Variants in DYNLT2 observed in about 807,000 individuals in gnomAD.
DYNLT2 encodes dynein light chain Tctex-type 2.
Under a neutral mutation model 24.3 loss-of-function variants are expected in DYNLT2, and 24 were observed. The observed-to-expected ratio is 0.99, with a 90% CI of 0.71 to 1.39. The LOEUF (loss-of-function observed/expected upper bound fraction) is 1.39, where lower values mean the gene tolerates loss of function less well. DYNLT2 is among the 40% of genes most tolerant of loss of function. DYNLT2 has a pLI of 0.00. For synonymous variants in DYNLT2, 85 were observed against 85.4 expected (o/e 1.00, Z 0.03); for missense variants, 246 against 234.5 (o/e 1.05, Z -0.32).
At chr6:169,739,992 TGTTA>T (rs1480478790), downstream of DYNLT2, 7 of 529,996 alleles carry the variant, frequency 1.3e-5, no homozygotes, top group Non-Finnish European at 1.0e-5. Context: ...CATAATATTA[TGTTA>T]GTTAATATAA....
intron 1 of DYNLT2, chr6:169,750,039 C>T (rs1376516931): frequency 6.6e-6 from 1 of 152,180 alleles, no homozygotes; most frequent in African/African-American, 2.4e-5. Context: ...TTAAAGATAG[C>T]TATAATTGAT....
chr6:169,729,513 T>G, the DYNLT2 span, among the ~76,000 whole-genome samples: 2 of 152,180 alleles, frequency 1.3e-5, no homozygotes, highest in African/African-American at 4.8e-5. Flanking sequence ...TTGCTGCTTG[T>G]AAACTGAAAA....
chr6:169,737,678 G>A (rs1036121570), downstream of DYNLT2, among the ~76,000 whole-genome samples: 1 of 152,168 alleles, frequency 6.6e-6, no homozygotes, highest in East Asian at 1.9e-4. Flanking sequence ...AAAGATGGGT[G>A]CCTGCTCCTT....
the DYNLT2 span, chr6:169,725,633 GT>G: frequency 3.2e-3 from 709 of 224,560 alleles, 3 homozygotes; most frequent in African/African-American, 0.01. Context: ...GAGTTTAGCG[GT>G]TTTTTTTTTA....
At chr6:169,749,795 G>C (rs1173939715) in intron 1 of DYNLT2, 1 of 152,008 alleles carries the variant, frequency 6.6e-6, no homozygotes. Flanking sequence ...GCTACCACTA[G>C]AAAAAAAGAA....
downstream of DYNLT2, among the ~76,000 whole-genome samples, chr6:169,737,028 C>A (rs1400403269): frequency 1.3e-5 from 2 of 151,950 alleles, no homozygotes; most frequent in African/African-American, 4.8e-5. Context: ...ATTCTTTTTT[C>A]TCTATTCTTG....
At chr6:169,739,901 A>G (rs1554411643), downstream of DYNLT2, among the ~76,000 whole-genome samples, 4 of 152,142 alleles carry the variant, frequency 2.6e-5, no homozygotes, top group Non-Finnish European at 2.9e-5. Flanking sequence ...TATTTTCCCT[A>G]TACTCTACTA....
Position 169,740,131 on chromosome 6 carries a change from T to G in DYNLT2, c.*54A>C. 8.6e-7 allele frequency: 1 copy of G among 1,162,712 alleles called. No homozygotes were observed. The highest frequency in any genetic ancestry group is 1.3e-6 in the Non-Finnish European group (1 of 779,882). The allele number at this position is 1,162,712 out of a possible 1,614,324, so 72.0% of individuals were successfully genotyped here. A position where few individuals can be genotyped will look rare whatever the true frequency, so the allele number is the denominator to read the frequency against. On this transcript the variant is annotated 3_prime_UTR_variant, in exon 4 of 4. Coordinates refer to ENST00000366774, the MANE Select transcript of DYNLT2 (RefSeq NM_174910.3). ...TTATGAGGTTTACAAATATGTAAAT[T>G]TCATTTATTTTTGAAAAGTTCGGAA...
chr6:169,749,619 A>G (rs1328286348), intron 1 of DYNLT2: 1 of 152,228 alleles, frequency 6.6e-6, no homozygotes, highest in Non-Finnish European at 1.5e-5. Context: ...TCTCATCTTC[A>G]ATGTGAATAA....
chr6:169,737,565 C>G (rs979495174), downstream of DYNLT2, among the ~76,000 whole-genome samples: 2 of 152,088 alleles, frequency 1.3e-5, no homozygotes, highest in African/African-American at 2.4e-5. Context: ...TTTAAATAGG[C>G]CCCTTTTCTG....
chr6:169,735,899 C>A (rs1789551769), downstream of DYNLT2, among the ~76,000 whole-genome samples: 1 of 152,110 alleles, frequency 6.6e-6, no homozygotes. Context: ...AGGTCTCTCA[C>A]TATCACTGTG....
intron 1 of DYNLT2, among the ~76,000 whole-genome samples, chr6:169,748,801 C>T (rs1789872132): frequency 3.9e-5 from 6 of 152,182 alleles, no homozygotes; most frequent in African/African-American, 9.7e-5. Flanking sequence ...TGAAAATAAC[C>T]ATTAATGCTT....
intron 2 of DYNLT2, 108 bp downstream of exon 2, chr6:169,743,960 G>A (rs925746760): frequency 6.6e-5 from 69 of 1,052,610 alleles, no homozygotes; most frequent in Non-Finnish European, 8.6e-5. Flanking sequence ...TGGTTCTAGT[G>A]ACAATTGTAT....
the DYNLT2 span, among the ~76,000 whole-genome samples, chr6:169,733,566 T>C: frequency 6.6e-6 from 1 of 152,234 alleles, no homozygotes; most frequent in African/African-American, 2.4e-5. Flanking sequence ...TGCTTATTTT[T>C]GTCAGGTTTG....
chr6:169,746,734 G>T (rs1390172238), intron 1 of DYNLT2, among the ~76,000 whole-genome samples: 1 of 152,040 alleles, frequency 6.6e-6, no homozygotes, highest in Non-Finnish European at 1.5e-5. Context: ...TAAAGAAACT[G>T]CTGTTAACAA....
intron 1 of DYNLT2, chr6:169,750,691 G>T (rs953242653): frequency 2.0e-5 from 3 of 152,136 alleles, no homozygotes; most frequent in East Asian, 1.9e-4. Context: ...TTCTGTTAAA[G>T]TATCAATAAA....
chr6:169,737,851 T>C (rs1789593746), downstream of DYNLT2, among the ~76,000 whole-genome samples: 1 of 152,092 alleles, frequency 6.6e-6, no homozygotes, highest in South Asian at 2.1e-4. Flanking sequence ...AGAGGGTATG[T>C]TTCACTGGGG....
At chr6:169,735,801 A>T (rs968430703), downstream of DYNLT2, among the ~76,000 whole-genome samples, 14 of 152,180 alleles carry the variant, frequency 9.2e-5, no homozygotes, top group African/African-American at 3.4e-4. Context: ...TACTAGGTCC[A>T]CTTGATCCAG....
rs144859535 is a variant in DYNLT2 at position 169,743,081 on chromosome 6, T to C, written c.485A>G (p.Asn162Ser). ...LFIQKTGQAI[N>S]IASRWIWDIA... ...ATCCTGTATCAATGGGGTACTTACA[T>C]TTATTGCTTGGCCAGTCTTTTGAAT... Residue 162 changes from asparagine (N) to serine (S), a missense_variant and splice_region_variant, in exon 3 of 4, where the codon AAT becomes AGT. Coordinates refer to ENST00000366774, the MANE Select transcript of DYNLT2 (RefSeq NM_174910.3). 10 of 1,545,182 alleles carry C rather than the reference T, an allele frequency of 6.5e-6. No individual in the cohort carries two copies. The highest frequency in any genetic ancestry group is 8.8e-6 in the Non-Finnish European group (10 of 1,137,810).
Sources: gnomAD v4.1 joint callset for allele counts (sites outside exome capture counted in the v4.1 genomes callset) on GRCh38, gnomAD v4.1.1 for gene constraint, MANE v1.5 for transcripts, NCBI Gene and HGNC (gene_info 2026-07-23, HGNC 2026-07-21) for gene names.